Variants in IGFL2 observed in about 807,000 individuals in gnomAD.
The protein encoded by IGFL2 is IGF like family member 2, also known as insulin growth factor-like family member 2.
A neutral mutation model predicts 13.9 loss-of-function variants in IGFL2; 7 were observed. The ratio of observed to expected loss-of-function variants is 0.51; its 90% CI spans 0.29 to 0.95. The LOEUF (loss-of-function observed/expected upper bound fraction) is 0.95. IGFL2 is among the 40% of genes least tolerant of loss of function. The pLI is 0.08. For missense variants in IGFL2, 138 were observed against 147.8 expected (o/e 0.93, Z 0.34); for synonymous variants, 55 against 55.8 (o/e 0.99, Z 0.07).
chr19:46,123,542 TCAGAGAAGCAAAACATCTTTGTC>T, the IGFL2 span, among the ~76,000 whole-genome samples: 105 of 151,016 alleles, frequency 7.0e-4, 3 homozygotes, highest in African/African-American at 2.5e-3. Flanking sequence ...ATAAGCTTCT[TCAGAGAAGCAAAACATCTTTGTC>T]TTCCTGACAC....
the IGFL2 span, among the ~76,000 whole-genome samples, chr19:46,128,510 T>C: frequency 6.6e-6 from 1 of 152,202 alleles, no homozygotes; most frequent in African/African-American, 2.4e-5. Flanking sequence ...TATTTTGAAG[T>C]ATATTTCTTC....
the IGFL2 span, among the ~76,000 whole-genome samples, chr19:46,081,952 T>C: frequency 6.6e-6 from 1 of 152,260 alleles, no homozygotes; most frequent in East Asian, 1.9e-4. Flanking sequence ...TTATAGTTGT[T>C]AATGTCAAGA....
downstream of IGFL2, among the ~76,000 whole-genome samples, chr19:46,162,346 G>A (rs1374615942): frequency 6.6e-6 from 1 of 152,210 alleles, no homozygotes; most frequent in Non-Finnish European, 1.5e-5. Context: ...TCTCTAGCAA[G>A]GTTGAGAAAG....
At chr19:46,194,358 C>T in the IGFL2 span, among the ~76,000 whole-genome samples, 1 of 152,130 alleles carries the variant, frequency 6.6e-6, no homozygotes, top group African/African-American at 2.4e-5. Context: ...TGTTAGAAAC[C>T]TCCTGTGGTA....
the IGFL2 span, chr19:46,206,857 T>A: frequency 6.6e-6 from 1 of 152,102 alleles, no homozygotes; most frequent in South Asian, 2.1e-4. Flanking sequence ...GTCGGGGGTG[T>A]GAGTGCTTAT....
At chr19:46,142,713 TGA>T (rs1327756381), upstream of IGFL2, among the ~76,000 whole-genome samples, 12 of 152,176 alleles carry the variant, frequency 7.9e-5, no homozygotes, top group African/African-American at 2.9e-4. Context: ...GTAGGGAAGA[TGA>T]GAGATACTGC....
the IGFL2 span, among the ~76,000 whole-genome samples, chr19:46,082,318 G>GT: frequency 6.6e-6 from 1 of 152,202 alleles, no homozygotes; most frequent in Non-Finnish European, 1.5e-5. Context: ...CTGTCTACAA[G>GT]TATAAGGGGA....
chr19:46,205,743 C>T, the IGFL2 span, among the ~76,000 whole-genome samples: 25 of 152,230 alleles, frequency 1.6e-4, 1 homozygote, highest in South Asian at 1.7e-3. Flanking sequence ...CAGATGATGA[C>T]GCCACATTAC....
chr19:46,211,496 G>C, the IGFL2 span: 1 of 152,214 alleles, frequency 6.6e-6, no homozygotes, highest in East Asian at 1.9e-4. Flanking sequence ...TCTGCCAGGA[G>C]GGAGATTCCT....
the IGFL2 span, among the ~76,000 whole-genome samples, chr19:46,080,559 T>C: frequency 1.3e-5 from 2 of 152,370 alleles, no homozygotes; most frequent in African/African-American, 4.8e-5. Context: ...TGACCAAGTC[T>C]TTGTATCTGT....
chr19:46,102,986 G>A, the IGFL2 span, among the ~76,000 whole-genome samples: 1 of 152,186 alleles, frequency 6.6e-6, no homozygotes, highest in African/African-American at 2.4e-5. Context: ...CATATAGAAT[G>A]GTGATGGCCT....
At chr19:46,102,665 T>C in the IGFL2 span, among the ~76,000 whole-genome samples, 1 of 152,216 alleles carries the variant, frequency 6.6e-6, no homozygotes, top group Non-Finnish European at 1.5e-5. Flanking sequence ...TCACTTCTTT[T>C]GTGAATCTTA....
chr19:46,148,489 G>A lies in IGFL2; in HGVS notation c.19+192G>A, dbSNP rs572014345. 5.3e-5 allele frequency among the ~76,000 whole-genome samples: 8 copies of A among 152,172 alleles called. No homozygotes were observed. The South Asian group carries it at 1.7e-3, about 32-fold the overall frequency. ...TTCCAGAAGCTTAACCCTTTCCAGA[G>A]CCCTCCCTGCATTTCCTCACCTGCC... On this transcript the variant is annotated intron_variant, in intron 1 of 3. Coordinates refer to ENST00000377693, the MANE Select transcript of IGFL2 (RefSeq NM_001135113.2).
chr19:46,121,457 C>G, the IGFL2 span, among the ~76,000 whole-genome samples: 2 of 148,974 alleles, frequency 1.3e-5, no homozygotes, highest in East Asian at 2.0e-4. Flanking sequence ...CCTACTTACT[C>G]CAACACTCAT....
rs996508307 is a variant in IGFL2, at chr19:46,160,687, G to A, written c.147G>A (p.Glu49=). 2.5e-6 allele frequency: 4 copies of A among 1,614,166 alleles called. No homozygotes were observed. The South Asian group carries it at 3.3e-5, about 13-fold the overall frequency. ...RCGDKIYNPL[E]QCCYNDAIVS... ...GAGACAAGATCTACAACCCCTTGGAGCAGTGCTGTTACAATGACGCCATCG... is the reference window on the plus strand; with the variant it reads ...GAGACAAGATCTACAACCCCTTGGAACAGTGCTGTTACAATGACGCCATCG... Residue 49 remains glutamate (E), a synonymous_variant, in exon 3 of 4, where the codon GAG becomes GAA. Coordinates refer to ENST00000377693, the MANE Select transcript of IGFL2 (RefSeq NM_001135113.2).
chr19:46,086,053 A>G, the IGFL2 span, among the ~76,000 whole-genome samples: 1 of 152,030 alleles, frequency 6.6e-6, no homozygotes, highest in South Asian at 2.1e-4. Flanking sequence ...CAAAAGACCC[A>G]TCTTTAAGTT....
the IGFL2 span, among the ~76,000 whole-genome samples, chr19:46,119,216 A>G: frequency 6.6e-6 from 1 of 152,136 alleles, no homozygotes; most frequent in Non-Finnish European, 1.5e-5. Context: ...GGTACACCAC[A>G]CTTAGGACAG....
At chr19:46,185,749 T>C in the IGFL2 span, among the ~76,000 whole-genome samples, 2 of 152,352 alleles carry the variant, frequency 1.3e-5, no homozygotes, top group African/African-American at 4.8e-5. Flanking sequence ...TTATTATTAC[T>C]GATGTTTATT....
At chr19:46,128,693 G>T in the IGFL2 span, among the ~76,000 whole-genome samples, 145 of 152,276 alleles carry the variant, frequency 9.5e-4, no homozygotes, top group African/African-American at 3.1e-3. Flanking sequence ...CAGGAATAAA[G>T]CCTGCTTGAT....
Sources: allele counts gnomAD v4.1 joint callset (sites outside exome capture counted in the v4.1 genomes callset), GRCh38; gene constraint gnomAD v4.1.1; transcripts MANE v1.5; gene names NCBI Gene and HGNC (gene_info 2026-07-23, HGNC 2026-07-21).